ITGA7: variants seen among roughly 807,000 people sequenced by gnomAD.
The protein encoded by ITGA7 is integrin subunit alpha 7.
A neutral mutation model predicts 131.6 loss-of-function variants in ITGA7; 84 were observed. That is an observed-to-expected ratio of 0.64 (90% CI 0.54 to 0.77). The LOEUF is 0.77. Among genes scored for constraint, ITGA7 ranks in the 30% least tolerant of loss-of-function variants. The pLI is 0.00. For synonymous variants in ITGA7, 548 were observed against 600.7 expected (o/e 0.91, Z 1.28); for missense variants, 1,399 against 1,482.9 (o/e 0.94, Z 0.93).
rs983768573 is a variant in ITGA7, at chr12:55,696,425, A to G, written c.1745T>C (p.Val582Ala). Residue 582 changes from valine (V) to alanine (A), a missense_variant, in exon 13 of 25, where the codon GTC becomes GCC. Coordinates refer to ENST00000257879, the MANE Select transcript of ITGA7 (RefSeq NM_002206.3). ...TACAATGGCCCGAAGCTTGTCTTTG[A>G]CATTTTCCTAGGAAGAGGAAGGTCT... ...GDAMFQLQENVKDKLRAIVVT... is the reference protein window; with the variant it reads ...GDAMFQLQENAKDKLRAIVVT... The G allele has an allele frequency of 6.3e-7, 1 of 1,598,790 alleles. No individual in the cohort carries two copies. Among genetic ancestry groups the G allele is most frequent in the African/African-American group, 1.3e-5 (1 of 74,890 alleles).
At position 55,684,727 on chromosome 12, in the gene ITGA7, G is replaced by A. The variant is rs919268509; in HGVS notation, c.*331C>T. 3.1e-5 allele frequency: 10 copies of A among 322,408 alleles called. No homozygotes were observed. Among genetic ancestry groups the A allele is most frequent in the Non-Finnish European group, 5.1e-5 (9 of 175,856 alleles). 20.0% of individuals were successfully genotyped at this position (322,408 alleles called of 1,614,324 possible). On this transcript the variant is annotated 3_prime_UTR_variant, in exon 25 of 25. Transcript: ENST00000257879. ...CCCTCTAGGTTAAGGCACTTCCGGG[G>A]AGGCAGGTCCTTGGGGTCCTGTTAC...
In ITGA7 at chr12:55,688,946, C is replaced by T; in HGVS notation, c.2856G>A (p.Arg952=). ...KKKNITLDCA[R]GTANCVVFSC... is the part of the protein sequence containing the mutation. Reference sequence around the variant, plus strand: ...TGAACACCACACAGTTGGCCGTGCCCCGGGCGCAGTCCTAGGGATAAGGAC... The same window carrying T: ...TGAACACCACACAGTTGGCCGTGCCTCGGGCGCAGTCCTAGGGATAAGGAC... The change falls in exon 22 of 25, where the codon CGG becomes CGA. Residue 952 remains arginine (R), a synonymous_variant. Transcript: ENST00000257879. 1.2e-6 allele frequency: 2 copies of T among 1,613,784 alleles called. No individual in the cohort carries two copies. Among genetic ancestry groups the T allele is most frequent in the Non-Finnish European group, 1.7e-6 (2 of 1,179,832 alleles).
intron 1 of ITGA7, among the ~76,000 whole-genome samples, chr12:55,704,573 T>A (rs1165744314): frequency 6.6e-6 from 1 of 152,218 alleles, no homozygotes; most frequent in Non-Finnish European, 1.5e-5. Context: ...CTAACATTCA[T>A]CACTGTCCAC....
chr12:55,700,115 C>T, intron 4 of ITGA7, 126 bp from the exon 5 acceptor site: 2 of 1,421,974 alleles, frequency 1.4e-6, no homozygotes, highest in Non-Finnish European at 1.9e-6. Context: ...GAAAAAGAGA[C>T]CAGAGAGATC....
At chr12:55,688,763 G>A (rs1341200991) in intron 22 of ITGA7, 81 bp downstream of exon 22, 8 of 1,027,038 alleles carry the variant, frequency 7.8e-6, no homozygotes, top group Non-Finnish European at 1.1e-5. Context: ...TTTGGACAGT[G>A]AGGAAGGAGG....
intron 1 of ITGA7, 145 bp from the exon 2 acceptor site, chr12:55,703,323 A>C (rs1874484744): frequency 5.6e-6 from 5 of 886,036 alleles, no homozygotes; most frequent in Non-Finnish European, 6.7e-6. Context: ...CAGTTTTCTC[A>C]AACCCTGGCA....
chr12:55,697,488 G>T lies in ITGA7; in HGVS notation c.1468C>A (p.Leu490Met), dbSNP rs1272238637. The T allele has an allele frequency of 6.2e-7, 1 of 1,614,132 alleles. No homozygotes were observed. The highest frequency in any genetic ancestry group is 1.7e-5 in the Admixed American group (1 of 60,032). The change falls in exon 10 of 25, where the codon CTG becomes ATG. Residue 490 changes from leucine (L) to methionine (M), a missense_variant. By Grantham distance (15) the Leu-to-Met change is conservative (BLOSUM62 2). Coordinates refer to ENST00000257879, the MANE Select transcript of ITGA7 (RefSeq NM_002206.3). ...EVSIAPRSIDLEQPNCAGGHS... is the reference protein window; with the variant it reads ...EVSIAPRSIDMEQPNCAGGHS... ...CCGCCAGCACAGTTGGGCTGCTCCA[G>T]GTCGATGCTTCGTGGAGCAATAGAG...
At position 55,700,916 on chromosome 12, in the gene ITGA7, C is replaced by T; in HGVS notation, c.653G>A (p.Gly218Glu). 1 of 1,614,186 alleles carries T rather than the reference C, an allele frequency of 6.2e-7. No homozygotes were observed. Among genetic ancestry groups the T allele is most frequent in the South Asian group, 1.1e-5 (1 of 91,082 alleles). ...DSHYLLFGAP[G>E]TYNWKGLLFV... ...TGACTCACCCTTCCAATTATAGGTT[C>T]CTGGGGCCCCAAAGAGGAGGTAGTG... is the stretch of plus-strand genomic sequence containing the variant. The change falls in exon 4 of 25, where the codon GGA becomes GAA. Residue 218 changes from glycine to glutamate, a missense_variant. Physicochemically the swap from Gly to Glu is moderately conservative, Grantham distance 98 (BLOSUM62 -2). Coordinates refer to ENST00000257879, the MANE Select transcript of ITGA7 (RefSeq NM_002206.3).
chr12:55,698,675 C>A, intron 6 of ITGA7, 35 bp downstream of exon 6: 2 of 1,611,614 alleles, frequency 1.2e-6, no homozygotes, highest in Non-Finnish European at 1.7e-6. Context: ...CTAGACCCAG[C>A]CTCCCTCAGG....
intron 12 of ITGA7, 104 bp downstream of exon 12, chr12:55,696,795 A>G: frequency 3.0e-6 from 4 of 1,335,392 alleles, no homozygotes; most frequent in Non-Finnish European, 3.2e-6. Context: ...TCTAGGTCTT[A>G]GAAGGAGGCA....
At chr12:55,708,175 G>C (rs539344263), upstream of ITGA7, 117 of 301,236 alleles carry the variant, frequency 3.9e-4, no homozygotes, top group African/African-American at 2.2e-3. Flanking sequence ...TTGGAATGCG[G>C]AGGGAGAGAA....
intron 2 of ITGA7, 35 bp downstream of exon 2, chr12:55,703,016 C>G (rs1473355066): frequency 5.6e-6 from 9 of 1,613,990 alleles, no homozygotes; most frequent in Non-Finnish European, 6.8e-6. Flanking sequence ...TCCCCGCTCA[C>G]ACGCTTCCCC....
intron 4 of ITGA7, 190 bp from the exon 5 acceptor site, chr12:55,700,179 C>G: frequency 6.7e-7 from 1 of 1,502,812 alleles, no homozygotes; most frequent in South Asian, 1.3e-5. Context: ...GAAACAGAGA[C>G]AGAAGGATGG....
In ITGA7 at chr12:55,697,786, C is replaced by G. The variant is rs139274587; in HGVS notation, c.1318G>C (p.Gly440Arg). ...EGEAVGIKSF[G>R]YSLSGSLDMD... ...TCCAAGCTGCCTGACAGGGAGTAGC[C>G]GAAGCTCTTGATGCCCACAGCCTCG... Residue 440 changes from glycine to arginine, a missense_variant, in exon 9 of 25, where the codon GGC becomes CGC. Gly to Arg is a moderately radical substitution (Grantham distance 125). Coordinates refer to ENST00000257879, the MANE Select transcript of ITGA7 (RefSeq NM_002206.3). The G allele has an allele frequency of 5.0e-6, 8 of 1,614,120 alleles. No homozygotes were observed. The highest frequency in any genetic ancestry group is 6.8e-6 in the Non-Finnish European group (8 of 1,180,012).
At chr12:55,700,242 G>A (rs747668945) in intron 4 of ITGA7, 2 of 1,595,518 alleles carry the variant, frequency 1.3e-6, no homozygotes, top group Non-Finnish European at 1.7e-6. Context: ...AGCAGTTCTG[G>A]GCCGGGGAGA....
At chr12:55,689,024 C>T in intron 21 of ITGA7, 67 bp from the exon 22 acceptor site, 1 of 1,267,372 alleles carries the variant, frequency 7.9e-7, no homozygotes, top group East Asian at 2.4e-5. Flanking sequence ...CCATCTCTCC[C>T]ATTTTCCTTA....
Position 55,698,167 on chromosome 12 carries a change from T to C in ITGA7, c.1193-141A>G. 4.5e-6 allele frequency: 4 copies of C among 879,262 alleles called. No homozygotes were observed. The Admixed American group carries it at 8.6e-5, about 19-fold the overall frequency. The allele number at this position is 879,262 out of a possible 1,614,324, so 54.5% of individuals were successfully genotyped here. A position where few individuals can be genotyped will look rare whatever the true frequency, so the allele number is the denominator to read the frequency against. ...AATCCCAGGCACTCTACATACATCA[T>C]CTTTAATCCTCTTGGCCACTCCCTG... On this transcript the variant is annotated intron_variant, in intron 7 of 24. Coordinates refer to ENST00000257879, the MANE Select transcript of ITGA7 (RefSeq NM_002206.3).
At chr12:55,687,931 C>G (rs1168789215) in intron 24 of ITGA7, 40 bp downstream of exon 24, 1 of 1,613,354 alleles carries the variant, frequency 6.2e-7, no homozygotes, top group Non-Finnish European at 8.5e-7. Flanking sequence ...CTCACCCAAC[C>G]AGGAAGTCCA....
At chr12:55,707,262 T>A (rs1875393218) in intron 1 of ITGA7, among the ~76,000 whole-genome samples, 1 of 152,038 alleles carries the variant, frequency 6.6e-6, no homozygotes, top group Non-Finnish European at 1.5e-5. Flanking sequence ...GCTTTCCAAC[T>A]CATCCCTAAA....
Sources: gnomAD v4.1 joint callset for allele counts (sites outside exome capture counted in the v4.1 genomes callset) on GRCh38, gnomAD v4.1.1 for gene constraint, MANE v1.5 for transcripts, NCBI Gene and HGNC (gene_info 2026-07-23, HGNC 2026-07-21) for gene names.